ZNF592: variants seen among roughly 807,000 people sequenced by gnomAD.
ZNF592 encodes the protein spinocerebellar ataxia, autosomal recessive 5.
ZNF592 carries 11 observed loss-of-function variants against 80.3 expected under a neutral mutation model. The ratio of observed to expected loss-of-function variants is 0.14; its 90% CI spans 0.09 to 0.23. The LOEUF is 0.23. ZNF592 is among the 10% of genes least tolerant of loss of function. ZNF592 has a pLI of 1.00. For synonymous variants in ZNF592, 646 were observed against 640.3 expected (o/e 1.01, Z -0.13); for missense variants, 1,420 against 1,633.9 (o/e 0.87, Z 2.26).
At chr15:84,796,093 G>A (rs1962887434) in intron 5 of ZNF592, among the ~76,000 whole-genome samples, 1 of 150,678 alleles carries the variant, frequency 6.6e-6, no homozygotes, top group African/African-American at 2.4e-5. Flanking sequence ...GTGGTTGCAG[G>A]CACCTGTAAT....
At chr15:84,777,825 G>A (rs965579399) in intron 2 of ZNF592, among the ~76,000 whole-genome samples, 4 of 148,820 alleles carry the variant, frequency 2.7e-5, no homozygotes, top group Non-Finnish European at 5.9e-5. Flanking sequence ...TCAGCCTCCC[G>A]AGTAGCTGGG....
At chr15:84,758,660 C>T (rs1222835912) in intron 1 of ZNF592, among the ~76,000 whole-genome samples, 1 of 151,768 alleles carries the variant, frequency 6.6e-6, no homozygotes, top group African/African-American at 2.4e-5. Context: ...ACCTGTAATC[C>T]CAGCACTTTT....
Position 84,790,585 on chromosome 15 carries a change from A to C in ZNF592, c.2221-120A>C. The C allele has an allele frequency of 3.0e-6, 3 of 987,970 alleles. No homozygotes were observed. In the South Asian group the frequency reaches 4.0e-5, roughly 13 times the overall value. The allele number at this position is 987,970 out of a possible 1,614,324, so 61.2% of individuals were successfully genotyped here. A position where few individuals can be genotyped will look rare whatever the true frequency, so the allele number is the denominator to read the frequency against. On this transcript the variant is annotated intron_variant, in intron 4 of 10. Transcript: ENST00000560079. ...CAGAAGTGTCCAGGAGAGTTGGAAG[A>C]GAGAGTGGTTGGGGGAAGGGGTTAT...
chr15:84,767,009 T>G lies in ZNF592; in HGVS notation c.-150+2194T>G, dbSNP rs1044713044. Among the ~76,000 whole-genome samples the G allele has an allele frequency of 2.8e-4, 43 of 152,062 alleles. 1 individual carries two copies. Among genetic ancestry groups the G allele is most frequent in the Non-Finnish European group, 1.5e-4 (10 of 68,006 alleles). Reference sequence around the variant, plus strand: ...GCCACTTTCTGTTTTCTTTTTGTTTTTCCGAGATGGAGTCTCATTCCGTAG... The same window carrying G: ...GCCACTTTCTGTTTTCTTTTTGTTTGTCCGAGATGGAGTCTCATTCCGTAG... On this transcript the variant is annotated intron_variant, in intron 2 of 10. Transcript: ENST00000560079.
chr15:84,805,420 A>G lies in ZNF592; in HGVS notation c.*3027A>G, dbSNP rs138522616. On this transcript the variant is annotated 3_prime_UTR_variant, in exon 11 of 11. Transcript: ENST00000560079. ...AGCGTTTATCTGCACATTATGCTGC[A>G]GTGAATGCTCTACTGATCAAGTTAA... The G allele has an allele frequency of 2.6e-5, 4 of 152,660 alleles. No homozygotes were observed. The highest frequency in any genetic ancestry group is 5.9e-5 in the Non-Finnish European group (4 of 68,042). The allele number at this position is 152,660 out of a possible 1,614,324, so 9.5% of individuals were successfully genotyped here. A position where few individuals can be genotyped will look rare whatever the true frequency, so the allele number is the denominator to read the frequency against.
rs748125199 is a variant in ZNF592, at chr15:84,798,845, C to T, written c.2994C>T (p.Tyr998=). 6.3e-6 allele frequency: 10 copies of T among 1,599,096 alleles called. No individual in the cohort carries two copies. The highest frequency in any genetic ancestry group is 1.1e-5 in the South Asian group (1 of 90,978). The change falls in exon 8 of 11, where the codon TAC becomes TAT. Residue 998 remains tyrosine (Y), a synonymous_variant. Coordinates refer to ENST00000560079, the MANE Select transcript of ZNF592 (RefSeq NM_014630.3). The surrounding 1 kb of genome is among the most constrained non-coding windows in gnomAD (Gnocchi z 4.5). ...AGTGGGTTCCAGATCGGGAGAGCTA[C>T]GTGTCCCACATGAAAAAGAGCCACG... ...CQEWVPDRES[Y]VSHMKKSHGR... is the part of the protein sequence containing the mutation.
At chr15:84,755,788 T>A (rs1300549402) in intron 1 of ZNF592, among the ~76,000 whole-genome samples, 4 of 152,182 alleles carry the variant, frequency 2.6e-5, no homozygotes. Context: ...TATAGAGATG[T>A]ATGATGTTGG....
chr15:84,793,697 T>C (rs1274308364), intron 5 of ZNF592, among the ~76,000 whole-genome samples: 1 of 152,138 alleles, frequency 6.6e-6, no homozygotes, highest in Non-Finnish European at 1.5e-5. Context: ...ACTTCTTTCT[T>C]CCCCCCTAGC....
At chr15:84,781,206 C>A (rs1001791601) in intron 3 of ZNF592, among the ~76,000 whole-genome samples, 1 of 152,098 alleles carries the variant, frequency 6.6e-6, no homozygotes, top group Non-Finnish European at 1.5e-5. Flanking sequence ...CACCACCACG[C>A]CTGGCTGATT....
Position 84,803,866 on chromosome 15 carries a change from A to T in ZNF592, c.*1473A>T, listed in dbSNP as rs1022317306. 1 of 152,206 alleles carries T rather than the reference A, an allele frequency of 6.6e-6. No individual in the cohort carries two copies. The highest frequency in any genetic ancestry group is 6.5e-5 in the Admixed American group (1 of 15,280). The allele number at this position is 152,206 out of a possible 1,614,324, so 9.4% of individuals were successfully genotyped here. On this transcript the variant is annotated 3_prime_UTR_variant, in exon 11 of 11. Coordinates refer to ENST00000560079, the MANE Select transcript of ZNF592 (RefSeq NM_014630.3). Reference sequence around the variant, plus strand: ...GTGTGGAGGTGTCGTCTGACCTCTAACCCAGGTGGCATGGGGTTGCGCCCA... The same window carrying T: ...GTGTGGAGGTGTCGTCTGACCTCTATCCCAGGTGGCATGGGGTTGCGCCCA...
intron 3 of ZNF592, among the ~76,000 whole-genome samples, chr15:84,779,620 A>G (rs1394663589): frequency 6.6e-6 from 1 of 151,938 alleles, no homozygotes; most frequent in Non-Finnish European, 1.5e-5. Flanking sequence ...CCAAAGTGCT[A>G]AGATTACAGG....
chr15:84,748,947 C>G (rs950551373), intron 1 of ZNF592, among the ~76,000 whole-genome samples: 12 of 151,740 alleles, frequency 7.9e-5, no homozygotes, highest in Admixed American at 7.9e-4. Context: ...GCCGGGCACG[C>G]TGCTGTCCTC....
At chr15:84,767,329 A>G (rs1409601562) in intron 2 of ZNF592, among the ~76,000 whole-genome samples, 1 of 152,020 alleles carries the variant, frequency 6.6e-6, no homozygotes, top group Non-Finnish European at 1.5e-5. Context: ...CCCGGCCAAC[A>G]CTGTTTTCTA....
chr15:84,763,246 AT>A (rs1661778394), intron 1 of ZNF592, among the ~76,000 whole-genome samples: 2 of 152,194 alleles, frequency 1.3e-5, no homozygotes. Flanking sequence ...ATTCCTACAC[AT>A]CCAAGCATGC....
rs769839682 is a variant in ZNF592, at chr15:84,784,518, G to A, written c.1843G>A (p.Val615Ile). Reference sequence around the variant, plus strand: ...TGGCCGGCGGAGCGTCCACATTGAGGTACTGTGCACACTGTGCTCCAAGAC... The same window carrying A: ...TGGCCGGCGGAGCGTCCACATTGAGATACTGTGCACACTGTGCTCCAAGAC... ...HYGRRSVHIE[V>I]LCTLCSKTLL... Residue 615 changes from valine to isoleucine, a missense_variant, in exon 4 of 11, where the codon GTA becomes ATA. Val to Ile is a conservative substitution (Grantham distance 29, BLOSUM62 3). Around this residue, in one of 7 missense-constraint regions of ZNF592, gnomAD observed 524 missense variants for 628.3 expected, o/e 0.83. Coordinates refer to ENST00000560079, the MANE Select transcript of ZNF592 (RefSeq NM_014630.3). This position sits in a 1 kb window ranked among gnomAD's most constrained non-coding sequence, Gnocchi z 5.8. 1 of 1,614,166 alleles carries A rather than the reference G, an allele frequency of 6.2e-7. No homozygotes were observed. The highest frequency in any genetic ancestry group is 1.1e-5 in the South Asian group (1 of 91,082).
At chr15:84,782,160 T>C (rs1962438874) in intron 3 of ZNF592, among the ~76,000 whole-genome samples, 1 of 152,230 alleles carries the variant, frequency 6.6e-6, no homozygotes, top group Non-Finnish European at 1.5e-5. Context: ...CATTTTGGAT[T>C]TGATTGAATT....
chr15:84,786,574 C>T (rs531524233), intron 4 of ZNF592, among the ~76,000 whole-genome samples: 1 of 152,102 alleles, frequency 6.6e-6, no homozygotes, highest in Non-Finnish European at 1.5e-5. Flanking sequence ...ACTCAGCCCC[C>T]CAAAGGGGCC....
chr15:84,789,793 A>C (rs1419553464), intron 4 of ZNF592, among the ~76,000 whole-genome samples: 1 of 152,182 alleles, frequency 6.6e-6, no homozygotes, highest in African/African-American at 2.4e-5. Context: ...CCCTCTAGTC[A>C]GCTCCTCTGA....
intron 2 of ZNF592, among the ~76,000 whole-genome samples, chr15:84,768,340 C>T (rs963593810): frequency 4.7e-5 from 7 of 149,794 alleles, no homozygotes; most frequent in African/African-American, 1.5e-4. Context: ...TGGGTTCAAG[C>T]GATTCTCCTG....
Sources: gnomAD v4.1 joint callset for allele counts (sites outside exome capture counted in the v4.1 genomes callset) on GRCh38, gnomAD v4.1.1 for gene constraint, gnomAD v4.1.1 regional missense constraint, Gnocchi (gnomAD v3.1) non-coding constraint, MANE v1.5 for transcripts, NCBI Gene and HGNC (gene_info 2026-07-23, HGNC 2026-07-21) for gene names.